FOCAD: variants seen among roughly 807,000 people sequenced by gnomAD.
FOCAD encodes KIAA1797.
In FOCAD, 198 loss-of-function variants were observed where a neutral mutation model predicts 225.6. That is an observed-to-expected ratio of 0.88 (90% CI 0.78 to 0.99). FOCAD has a LOEUF of 0.99. FOCAD is among the 50% of genes least tolerant of loss of function. FOCAD has a pLI of 0.00. For synonymous variants in FOCAD, 897 were observed against 755.0 expected (o/e 1.19, Z -3.08); for missense variants, 2,713 against 2,123.6 (o/e 1.28, Z -5.46).
Position 20,929,505 on chromosome 9 carries a change from A to T in FOCAD, c.3226A>T (p.Lys1076Ter), listed in dbSNP as rs748178549. ...CATGCTGACTGCCAGGTTACCTGGG[A>T]AACCAAGTGCTGATGAGTCTCAAGC... ...LNMLTARLPG[K>*]PSADESQAVQ... Residue 1076 changes from lysine to a stop codon, truncating the protein, a stop_gained, in exon 27 of 44, where the codon AAA becomes TAA. Coordinates refer to ENST00000338382, the MANE Select transcript of FOCAD (RefSeq NM_001375567.1). LOFTEE classifies it high-confidence loss of function. 22 of 1,614,170 alleles carry T rather than the reference A, an allele frequency of 1.4e-5. No homozygotes were observed. Among genetic ancestry groups the T allele is most frequent in the Non-Finnish European group, 1.8e-5 (21 of 1,180,030 alleles).
chr9:20,844,129 A>G (rs72703951), intron 15 of FOCAD, among the ~76,000 whole-genome samples: 3,427 of 152,224 alleles, frequency 0.023, 59 homozygotes, highest in Middle Eastern at 0.031. Flanking sequence ...ACTATACACT[A>G]AAACCTATGT....
chr9:20,887,248 T>C (rs1448939346), intron 21 of FOCAD, among the ~76,000 whole-genome samples: 1 of 152,036 alleles, frequency 6.6e-6, no homozygotes, highest in East Asian at 1.9e-4. Flanking sequence ...TCTCTTTTTT[T>C]TTTTGAGATG....
At chr9:20,847,619 A>G (rs1385280358) in intron 15 of FOCAD, among the ~76,000 whole-genome samples, 2 of 152,024 alleles carry the variant, frequency 1.3e-5, no homozygotes, top group African/African-American at 4.8e-5. Context: ...AGGGGCGATA[A>G]TCATTCTTGG....
intron 6 of FOCAD, among the ~76,000 whole-genome samples, chr9:20,760,453 G>A (rs755877451): frequency 3.9e-5 from 6 of 152,088 alleles, no homozygotes; most frequent in Admixed American, 6.5e-5. Context: ...TCTTCATCTC[G>A]CAGTTTATGC....
At chr9:20,933,415 T>C (rs1835671177) in intron 28 of FOCAD, among the ~76,000 whole-genome samples, 1 of 152,222 alleles carries the variant, frequency 6.6e-6, no homozygotes, top group African/African-American at 2.4e-5. Context: ...TCCTCATAGC[T>C]TAGCTCCCAC....
At chr9:20,920,705 T>C (rs1289669414) in intron 24 of FOCAD, among the ~76,000 whole-genome samples, 2 of 151,252 alleles carry the variant, frequency 1.3e-5, no homozygotes, top group Middle Eastern at 3.2e-3. Context: ...CAGTAAACTA[T>C]CGCAAGGTCA....
intron 18 of FOCAD, 58 bp downstream of exon 18, chr9:20,867,070 TC>T (rs1377974082): frequency 8.9e-7 from 1 of 1,128,704 alleles, no homozygotes; most frequent in Non-Finnish European, 1.3e-6. Context: ...TACAACTTTT[TC>T]TCTCTCATCT....
intron 34 of FOCAD, among the ~76,000 whole-genome samples, chr9:20,951,560 GT>G (rs1202473313): frequency 6.6e-6 from 1 of 152,142 alleles, no homozygotes; most frequent in Non-Finnish European, 1.5e-5. Flanking sequence ...TTCATTAAAA[GT>G]CTCTTCATAT....
At chr9:20,770,349 AC>A in intron 8 of FOCAD, 111 bp downstream of exon 8, 26 of 980,232 alleles carry the variant, frequency 2.7e-5, no homozygotes, top group Non-Finnish European at 3.6e-5. Flanking sequence ...GGCAGGCTGT[AC>A]AGGATGCATG....
chr9:20,753,770 G>T (rs1357307640), intron 5 of FOCAD, among the ~76,000 whole-genome samples: 1 of 151,894 alleles, frequency 6.6e-6, no homozygotes, highest in Non-Finnish European at 1.5e-5. Context: ...ATAGTGTTCT[G>T]TAGCCACTGC....
chr9:20,944,394 G>T (rs1587686160), intron 28 of FOCAD, among the ~76,000 whole-genome samples: 1 of 152,182 alleles, frequency 6.6e-6, no homozygotes, highest in Non-Finnish European at 1.5e-5. Flanking sequence ...TATCTAGGGG[G>T]TGTACAGCAC....
At position 20,927,389 on chromosome 9, in the gene FOCAD, TC is replaced by T. The variant is rs954144627; in HGVS notation, c.3078+973del. On this transcript the variant is annotated intron_variant, in intron 26 of 43. Transcript: ENST00000338382. ...ACACTTACTTCATCATTCTTATTTT[TC>T]TTATCTGCAAAATGAAAGTAAAAAT... 5.2e-4 allele frequency among the ~76,000 whole-genome samples: 79 copies of T among 152,318 alleles called. 1 individual carries two copies. Among genetic ancestry groups the T allele is most frequent in the African/African-American group, 1.8e-3 (76 of 41,584 alleles).
intron 1 of FOCAD, among the ~76,000 whole-genome samples, chr9:20,691,716 G>A (rs1408986547): frequency 6.6e-6 from 1 of 150,858 alleles, no homozygotes; most frequent in African/African-American, 2.4e-5. Context: ...TCCTAACCTC[G>A]TGATCTGCCC....
At position 20,685,004 on chromosome 9, in the gene FOCAD, G is replaced by C. The variant is rs142900163; in HGVS notation, c.-33+711G>C. 2.6e-5 allele frequency among the ~76,000 whole-genome samples: 4 copies of C among 152,326 alleles called. No homozygotes were observed. In the East Asian group the frequency reaches 7.7e-4, roughly 29 times the overall value. ...TCAGCTGTGGCGTCCTGATATCTCA[G>C]TGTGGTTCCTGAATTTGGAGCTTTT... On this transcript the variant is annotated intron_variant, in intron 1 of 43. Coordinates refer to ENST00000338382, the MANE Select transcript of FOCAD (RefSeq NM_001375567.1).
intron 10 of FOCAD, among the ~76,000 whole-genome samples, chr9:20,784,930 CTTTT>C (rs757018310): frequency 1.6e-5 from 2 of 124,928 alleles, no homozygotes; most frequent in Admixed American, 8.1e-5. Flanking sequence ...TTCTTTCTTT[CTTTT>C]TTTTTTTAAT....
At chr9:20,980,503 T>TTAAC (rs5896917) in intron 37 of FOCAD, among the ~76,000 whole-genome samples, 109,704 of 151,690 alleles carry the variant, frequency 0.72, 39,895 homozygotes, top group East Asian at 0.94. Flanking sequence ...TCTTGGTTAA[T>TTAAC]AAATTAAGTT....
chr9:20,758,283 C>G, intron 6 of FOCAD, 92 bp downstream of exon 6: 5 of 785,980 alleles, frequency 6.4e-6, no homozygotes, highest in Non-Finnish European at 7.9e-6. Context: ...TTGTTTGTTT[C>G]TTTTTAGCTG....
rs146929779 is a variant in FOCAD, at chr9:20,951,789, G to A, written c.4051+691G>A. 2.7e-3 allele frequency among the ~76,000 whole-genome samples: 414 copies of A among 152,272 alleles called. 7 individuals are homozygous for A. The highest frequency in any genetic ancestry group is 9.4e-3 in the African/African-American group (389 of 41,554). ...GAGATTTTCTGGGGAAGGCATGACC[G>A]TTAATACATCTGCTCCTTGCTCTTT... On this transcript the variant is annotated intron_variant, in intron 34 of 43. Transcript: ENST00000338382.
chr9:20,752,736 A>T (rs1828685999), intron 5 of FOCAD, among the ~76,000 whole-genome samples: 1 of 151,974 alleles, frequency 6.6e-6, no homozygotes, highest in Non-Finnish European at 1.5e-5. Flanking sequence ...TTGAATGTGT[A>T]AATTACCTTG....
Sources: gnomAD v4.1 joint callset for allele counts (sites outside exome capture counted in the v4.1 genomes callset) on GRCh38, gnomAD v4.1.1 for gene constraint, MANE v1.5 for transcripts, NCBI Gene and HGNC (gene_info 2026-07-23, HGNC 2026-07-21) for gene names.